Variants in CASP4 observed in about 807,000 individuals in gnomAD.
CASP4 encodes caspase-4.
A neutral mutation model predicts 41.3 loss-of-function variants in CASP4; 29 were observed. The observed-to-expected ratio is 0.70, with a 90% CI of 0.52 to 0.96. The LOEUF (loss-of-function observed/expected upper bound fraction) is 0.96. Among genes scored for constraint, CASP4 ranks in the 40% least tolerant of loss-of-function variants. CASP4 has a pLI of 0.00. For synonymous variants in CASP4, 185 were observed against 158.4 expected (o/e 1.17, Z -1.26); for missense variants, 447 against 460.6 (o/e 0.97, Z 0.27).
rs190400287 is a variant in CASP4 at position 104,956,229 on chromosome 11, G to A, written c.8-1228C>T. On this transcript the variant is annotated intron_variant, in intron 1 of 8. Transcript: ENST00000444739. ...TTAATATACTGGACCCTCACAATAA[G>A]CCAGTGGGGTAGTTATTATATTCCC... Among the ~76,000 whole-genome samples, 17 of 152,060 alleles carry A rather than the reference G, an allele frequency of 1.1e-4. No individual in the cohort carries two copies. In the East Asian group the frequency reaches 2.7e-3, roughly 24 times the overall value.
intron 1 of CASP4, among the ~76,000 whole-genome samples, chr11:104,964,152 C>A (rs189478586): frequency 4.9e-4 from 75 of 152,234 alleles, no homozygotes; most frequent in African/African-American, 1.7e-3. Context: ...TGTCTATAGA[C>A]TTTTGTCATC....
chr11:104,948,542 A>C lies in CASP4; in HGVS notation c.916T>G (p.Ser306Ala). 6.2e-7 allele frequency: 1 copy of C among 1,605,158 alleles called. No individual in the cohort carries two copies. Among genetic ancestry groups the C allele is most frequent in the Non-Finnish European group, 8.5e-7 (1 of 1,174,506 alleles). The change falls in exon 6 of 9, where the codon TCA becomes GCA. Residue 306 changes from serine to alanine, a missense_variant. Transcript: ENST00000444739. ...VEKDFIAFCS[S>A]TPHNVSWRDS... ...ACTGAAAGATACATACGTGGCGTTG[A>C]AGAGCAGAAAGCAATGAAGTCCTTC...
At chr11:104,960,311 T>C (rs1261477566) in intron 1 of CASP4, among the ~76,000 whole-genome samples, 1 of 152,118 alleles carries the variant, frequency 6.6e-6, no homozygotes, top group African/African-American at 2.4e-5. Flanking sequence ...GTTCTCTGTC[T>C]ATCTGTCTAT....
intron 8 of CASP4, chr11:104,943,617 T>C (rs1342741674): frequency 2.6e-5 from 4 of 152,260 alleles, no homozygotes; most frequent in Non-Finnish European, 5.9e-5. Context: ...AGAGTCTGTT[T>C]CTACTCACTA....
chr11:104,962,166 G>T (rs1860875147), intron 1 of CASP4, among the ~76,000 whole-genome samples: 1 of 152,144 alleles, frequency 6.6e-6, no homozygotes. Flanking sequence ...ACAGAAAATG[G>T]TGACTTTTTT....
At position 104,968,529 on chromosome 11, in the gene CASP4, G is replaced by A; in HGVS notation, c.-4C>T. The A allele has an allele frequency of 6.2e-7, 1 of 1,613,076 alleles. No individual in the cohort carries two copies. The highest frequency in any genetic ancestry group is 8.5e-7 in the Non-Finnish European group (1 of 1,179,128). ...CAGAAAAGGACTCACCTGCCATAGG[G>A]AACAGCCTCTGTCCTTTTTTACAGC... is the stretch of plus-strand genomic sequence containing the variant. On this transcript the variant is annotated 5_prime_UTR_variant, in exon 1 of 9. Coordinates refer to ENST00000444739, the MANE Select transcript of CASP4 (RefSeq NM_001225.4).
chr11:104,949,123 C>G (rs1194979614), intron 5 of CASP4: 25 of 273,306 alleles, frequency 9.1e-5, no homozygotes, highest in Non-Finnish European at 1.6e-4. Flanking sequence ...GATCTCTTTA[C>G]TAATTTCCCC....
At chr11:104,957,600 A>G (rs995782799) in intron 1 of CASP4, among the ~76,000 whole-genome samples, 7 of 152,168 alleles carry the variant, frequency 4.6e-5, no homozygotes, top group African/African-American at 1.7e-4. Flanking sequence ...AACAAATCTC[A>G]AAACTATAAA....
At chr11:104,952,677 C>T (rs1205944016) in intron 2 of CASP4, among the ~76,000 whole-genome samples, 1 of 152,086 alleles carries the variant, frequency 6.6e-6, no homozygotes, top group Non-Finnish European at 1.5e-5. Flanking sequence ...GAATCTTGTA[C>T]TTTCAAGGCA....
chr11:104,954,575 G>A (rs1565366832), intron 2 of CASP4, among the ~76,000 whole-genome samples, 172 bp downstream of exon 2: 1 of 152,074 alleles, frequency 6.6e-6, no homozygotes, highest in East Asian at 1.9e-4. Flanking sequence ...ATTGTAAACT[G>A]GATTCCACCC....
At chr11:104,948,362 C>T (rs1231516852) in intron 6 of CASP4, 171 bp downstream of exon 6, 4 of 499,380 alleles carry the variant, frequency 8.0e-6, no homozygotes, top group South Asian at 1.4e-4. Flanking sequence ...TTCCATGTAT[C>T]GGGTTGCTTT....
intron 1 of CASP4, among the ~76,000 whole-genome samples, chr11:104,959,655 A>G (rs1373487412): frequency 1.3e-5 from 2 of 152,216 alleles, no homozygotes; most frequent in Non-Finnish European, 2.9e-5. Flanking sequence ...TCAACTTACA[A>G]AGATGAACTG....
chr11:104,960,849 T>G (rs1565369226), intron 1 of CASP4, among the ~76,000 whole-genome samples: 1 of 152,152 alleles, frequency 6.6e-6, no homozygotes, highest in Non-Finnish European at 1.5e-5. Context: ...TTATGCTCTG[T>G]GAGGACAGGG....
chr11:104,952,175 G>T lies in CASP4; in HGVS notation c.263-170C>A, dbSNP rs55973506. On this transcript the variant is annotated intron_variant, in intron 2 of 8. Transcript: ENST00000444739. Reference sequence around the variant, plus strand: ...CAGGAGATGTATTGTTACTGGAAAAGATAGAAAAGCAGATCCACCCAAACA... The same window carrying T: ...CAGGAGATGTATTGTTACTGGAAAATATAGAAAAGCAGATCCACCCAAACA... 2,631 of 561,330 alleles carry T rather than the reference G, an allele frequency of 4.7e-3. 32 individuals carry two copies. The highest frequency in any genetic ancestry group is 0.026 in the East Asian group (944 of 35,850). 34.8% of individuals were successfully genotyped at this position (561,330 alleles called of 1,614,324 possible). A position where few individuals can be genotyped will look rare whatever the true frequency, so the allele number is the denominator to read the frequency against.
intron 1 of CASP4, among the ~76,000 whole-genome samples, chr11:104,957,348 C>A (rs1340076904): frequency 6.6e-6 from 1 of 152,004 alleles, no homozygotes; most frequent in African/African-American, 2.4e-5. Context: ...AGGTAAAAAA[C>A]AAGTACACGT....
chr11:104,943,274 A>C, intron 8 of CASP4: 1 of 249,332 alleles, frequency 4.0e-6, no homozygotes, highest in Non-Finnish European at 7.9e-6. Context: ...TGCTTCTCCT[A>C]ATTTGTCTCT....
At chr11:104,947,032 G>A in intron 7 of CASP4, 51 bp downstream of exon 7, 1 of 1,295,778 alleles carries the variant, frequency 7.7e-7, no homozygotes, top group Non-Finnish European at 1.1e-6. Context: ...AGTGAATCAT[G>A]ACAAATTCTT....
Position 104,950,928 on chromosome 11 carries a change from G to T in CASP4, c.543C>A (p.Ala181=), listed in dbSNP as rs1860594967. 2 of 1,610,216 alleles carry T rather than the reference G, an allele frequency of 1.2e-6. No homozygotes were observed. The highest frequency in any genetic ancestry group is 1.3e-5 in the African/African-American group (1 of 74,720). ...YSVDVEENLT[A]RDMESALRAF... The stretch of plus-strand genomic sequence containing the variant: ...GTGGCGGCTGAGGGATTCTTACCCT[G>T]GCTGTCAGATTCTCTTCTACATCTA... The change falls in exon 4 of 9, where the codon GCC becomes GCA. Residue 181 remains alanine, a synonymous_variant. Coordinates refer to ENST00000444739, the MANE Select transcript of CASP4 (RefSeq NM_001225.4).
In CASP4 at chr11:104,950,920, C is replaced by T. The variant is rs1308818223; in HGVS notation, c.546+5G>A. 1.2e-6 allele frequency: 2 copies of T among 1,608,162 alleles called. No individual in the cohort carries two copies. Among genetic ancestry groups the T allele is most frequent in the Non-Finnish European group, 1.7e-6 (2 of 1,177,136 alleles). ...ATGTGTTTGTGGCGGCTGAGGGATT[C>T]TTACCCTGGCTGTCAGATTCTCTTC... On this transcript the variant is annotated splice_donor_5th_base_variant and intron_variant, in intron 4 of 8. Coordinates refer to ENST00000444739, the MANE Select transcript of CASP4 (RefSeq NM_001225.4).
Sources: allele counts gnomAD v4.1 joint callset (sites outside exome capture counted in the v4.1 genomes callset), GRCh38; gene constraint gnomAD v4.1.1; transcripts MANE v1.5; gene names NCBI Gene and HGNC (gene_info 2026-07-23, HGNC 2026-07-21).